PDS5A: variants seen among roughly 807,000 people sequenced by gnomAD.
PDS5A encodes PDS5 cohesin associated factor A.
A neutral mutation model predicts 167.1 loss-of-function variants in PDS5A; 42 were observed. That is an observed-to-expected ratio of 0.25 (90% CI 0.20 to 0.33). The LOEUF (loss-of-function observed/expected upper bound fraction) is 0.33. Among genes scored for constraint, PDS5A ranks in the 10% least tolerant of loss-of-function variants. The probability of loss-of-function intolerance (pLI) is 1.00; values close to 1 mark genes in which losing one functional copy is unlikely to be tolerated. For missense variants in PDS5A, 1,033 were observed against 1,605.9 expected (o/e 0.64, Z 6.10); for synonymous variants, 553 against 554.6 (o/e 1.00, Z 0.04).
intron 2 of PDS5A, among the ~76,000 whole-genome samples, chr4:39,931,961 G>A (rs1247328049): frequency 6.7e-6 from 1 of 149,418 alleles, no homozygotes; most frequent in Non-Finnish European, 1.5e-5. Flanking sequence ...GCATGATCTT[G>A]GCTCACTGCA....
chr4:39,881,408 A>C (rs992299618), intron 17 of PDS5A, among the ~76,000 whole-genome samples: 2 of 151,820 alleles, frequency 1.3e-5, no homozygotes, highest in Non-Finnish European at 2.9e-5. Context: ...ATTAACTTAC[A>C]GATGTTGAAG....
intron 32 of PDS5A, chr4:39,837,314 C>A (rs939988145): frequency 2.0e-5 from 3 of 153,064 alleles, no homozygotes; most frequent in African/African-American, 7.2e-5. Context: ...AAAGGAGCCA[C>A]CTTCTAGATT....
intron 7 of PDS5A, among the ~76,000 whole-genome samples, chr4:39,918,455 G>GAATTAAATTTTTAAAATGCCT (rs1724613242): frequency 6.6e-6 from 1 of 152,162 alleles, no homozygotes; most frequent in Non-Finnish European, 1.5e-5. Context: ...ACATGCAGAA[G>GAATTAAATTTTTAAAATGCCT]AATTAAATTT....
At chr4:39,892,711 T>C (rs1325572913) in intron 16 of PDS5A, among the ~76,000 whole-genome samples, 1 of 152,250 alleles carries the variant, frequency 6.6e-6, no homozygotes, top group African/African-American at 2.4e-5. Flanking sequence ...AGAAAGAAGA[T>C]ATTTGGACTT....
intron 2 of PDS5A, among the ~76,000 whole-genome samples, chr4:39,964,045 A>T (rs1416847693): frequency 1.3e-5 from 2 of 151,800 alleles, no homozygotes; most frequent in Non-Finnish European, 1.5e-5. Flanking sequence ...AGCTATTTAT[A>T]AAAATTGATT....
intron 11 of PDS5A, among the ~76,000 whole-genome samples, chr4:39,907,833 G>A (rs1488700298): frequency 2.0e-5 from 3 of 152,030 alleles, no homozygotes; most frequent in African/African-American, 7.2e-5. Context: ...TGATCCGCCC[G>A]CCTCGGCCTC....
Position 39,837,992 on chromosome 4 carries a change from T to C in PDS5A, c.3874A>G (p.Ile1292Val), listed in dbSNP as rs1210424457. ...ATKNDDLNKP[I>V]NKGRKRAAVG... ...GCAGCTCTCTTCCTTCCCTTGTTAATAGGTTTATTTAGATCATCATTTTTG... is the reference window on the plus strand; with the variant it reads ...GCAGCTCTCTTCCTTCCCTTGTTAACAGGTTTATTTAGATCATCATTTTTG... The change falls in exon 32 of 33, where the codon ATT becomes GTT. Residue 1292 changes from isoleucine (I) to valine (V), a missense_variant. This residue lies in a region of PDS5A where 233 missense variants were observed against 264.0 expected (regional missense o/e 0.88). Transcript: ENST00000303538. The C allele has an allele frequency of 4.3e-6, 7 of 1,613,886 alleles. No individual in the cohort carries two copies. Among genetic ancestry groups the C allele is most frequent in the South Asian group, 2.2e-5 (2 of 91,084 alleles).
intron 32 of PDS5A, among the ~76,000 whole-genome samples, chr4:39,830,812 T>TA (rs1715791574): frequency 6.6e-6 from 1 of 152,138 alleles, no homozygotes; most frequent in South Asian, 2.1e-4. Flanking sequence ...ACATCTGATC[T>TA]ATCTCTCGGT....
chr4:39,957,907 G>A (rs1449658901), intron 2 of PDS5A, among the ~76,000 whole-genome samples: 2 of 151,994 alleles, frequency 1.3e-5, no homozygotes, highest in Non-Finnish European at 2.9e-5. Context: ...TGTAATCCCA[G>A]CACTTTGGGA....
intron 21 of PDS5A, among the ~76,000 whole-genome samples, chr4:39,871,092 C>G (rs1226691518): frequency 6.6e-6 from 1 of 151,982 alleles, no homozygotes; most frequent in Non-Finnish European, 1.5e-5. Context: ...ATAAGAGATA[C>G]CTAGAATAGG....
intron 17 of PDS5A, among the ~76,000 whole-genome samples, chr4:39,881,371 C>T (rs965060167): frequency 2.0e-5 from 3 of 151,568 alleles, no homozygotes; most frequent in African/African-American, 7.3e-5. Context: ...TTTGAGGACC[C>T]TCCATACTGT....
At chr4:39,864,977 A>T (rs1048673442) in intron 23 of PDS5A, among the ~76,000 whole-genome samples, 10 of 152,080 alleles carry the variant, frequency 6.6e-5, no homozygotes, top group African/African-American at 2.4e-4. Context: ...ATTCTTTTAT[A>T]CTCATGAATT....
chr4:39,836,380 C>G (rs760103953), intron 32 of PDS5A, among the ~76,000 whole-genome samples: 1 of 152,126 alleles, frequency 6.6e-6, no homozygotes. Context: ...GCCAAGAGGG[C>G]ACTTAGATGA....
chr4:39,841,619 T>A (rs974290811), intron 31 of PDS5A, among the ~76,000 whole-genome samples: 8 of 151,658 alleles, frequency 5.3e-5, no homozygotes, highest in Admixed American at 3.9e-4. Context: ...TTCAAGCAAT[T>A]CTCCTGCCTC....
intron 14 of PDS5A, among the ~76,000 whole-genome samples, chr4:39,899,885 C>T (rs984480893): frequency 6.7e-6 from 1 of 149,442 alleles, no homozygotes; most frequent in Non-Finnish European, 1.5e-5. Flanking sequence ...AAAAAGTTTG[C>T]CCGCCCCTGT....
chr4:39,908,303 G>C, intron 11 of PDS5A, 92 bp downstream of exon 11: 2 of 965,770 alleles, frequency 2.1e-6, no homozygotes, highest in Non-Finnish European at 3.3e-6. Context: ...TTTTCACACA[G>C]AAAGACATTA....
intron 5 of PDS5A, 47 bp downstream of exon 5, chr4:39,925,789 A>G (rs370464570): frequency 9.5e-5 from 68 of 712,896 alleles, no homozygotes; most frequent in African/African-American, 9.2e-4. Flanking sequence ...ATCTGAATAC[A>G]TAATCAAGAA....
chr4:39,877,661 ACT>A (rs991540025), intron 18 of PDS5A, among the ~76,000 whole-genome samples: 2 of 151,798 alleles, frequency 1.3e-5, no homozygotes, highest in East Asian at 1.9e-4. Flanking sequence ...ACAGGATTTC[ACT>A]CTGTCACCTA....
intron 11 of PDS5A, among the ~76,000 whole-genome samples, chr4:39,908,159 A>C (rs1475394096): frequency 6.6e-6 from 1 of 152,194 alleles, no homozygotes; most frequent in East Asian, 1.9e-4. Flanking sequence ...TCTCTTATGA[A>C]GGTATGATAG....
Sources: gnomAD v4.1 joint callset for allele counts (sites outside exome capture counted in the v4.1 genomes callset) on GRCh38, gnomAD v4.1.1 for gene constraint, gnomAD v4.1.1 regional missense constraint, MANE v1.5 for transcripts, NCBI Gene and HGNC (gene_info 2026-07-23, HGNC 2026-07-21) for gene names.